PGM5: variants seen among roughly 807,000 people sequenced by gnomAD.
The protein encoded by PGM5 is phosphoglucomutase 5, also known as phosphoglucomutase-like protein 5.
A neutral mutation model predicts 59.2 loss-of-function variants in PGM5; 23 were observed. The observed-to-expected ratio is 0.39, with a 90% CI of 0.28 to 0.55. The LOEUF (loss-of-function observed/expected upper bound fraction) is 0.55. PGM5 is among the 20% of genes least tolerant of loss of function. PGM5 has a pLI of 0.66. For missense variants in PGM5, 574 were observed against 748.3 expected (o/e 0.77, Z 2.72); for synonymous variants, 214 against 286.0 (o/e 0.75, Z 2.54).
chr9:68,403,004 T>C (rs1554680797), intron 6 of PGM5, among the ~76,000 whole-genome samples: 2 of 152,190 alleles, frequency 1.3e-5, no homozygotes, highest in Non-Finnish European at 2.9e-5. Context: ...AAGATACATG[T>C]GCAGGGTGAA....
At chr9:68,408,181 A>G (rs1822856402) in intron 6 of PGM5, among the ~76,000 whole-genome samples, 1 of 152,188 alleles carries the variant, frequency 6.6e-6, no homozygotes, top group Non-Finnish European at 1.5e-5. Flanking sequence ...GAGCGTGAAG[A>G]AATGTGAAAT....
intron 10 of PGM5, among the ~76,000 whole-genome samples, chr9:68,523,720 C>T (rs1378656075): frequency 3.3e-5 from 5 of 152,122 alleles, no homozygotes; most frequent in Admixed American, 6.5e-5. Context: ...TGGTAATTAT[C>T]GTCATCCACA....
intron 6 of PGM5, among the ~76,000 whole-genome samples, chr9:68,424,441 G>A (rs1402546212): frequency 6.6e-6 from 1 of 152,114 alleles, no homozygotes; most frequent in Non-Finnish European, 1.5e-5. Flanking sequence ...GCTCTCAGGG[G>A]CTTCTTTTAT....
At chr9:68,403,887 A>T (rs1317311085) in intron 6 of PGM5, among the ~76,000 whole-genome samples, 1 of 152,212 alleles carries the variant, frequency 6.6e-6, no homozygotes, top group South Asian at 2.1e-4. Flanking sequence ...TTGACGTTGA[A>T]TATCACTACT....
At chr9:68,448,846 A>G (rs1554684169) in intron 6 of PGM5, among the ~76,000 whole-genome samples, 1 of 152,202 alleles carries the variant, frequency 6.6e-6, no homozygotes, top group Admixed American at 6.5e-5. Flanking sequence ...TCTAGGTGCT[A>G]TGGGACAGCA....
rs564696450 is a variant in PGM5 at position 68,526,392 on chromosome 9, C to T, written c.1615-3175C>T. Among the ~76,000 whole-genome samples, 9 of 152,338 alleles carry T rather than the reference C, an allele frequency of 5.9e-5. No individual in the cohort carries two copies. The South Asian group carries it at 1.7e-3, about 28-fold the overall frequency. On this transcript the variant is annotated intron_variant, in intron 10 of 10. Coordinates refer to ENST00000396396, the MANE Select transcript of PGM5 (RefSeq NM_021965.4). ...TTTTCTTCCCTTCAGCTTGCATAAGCACCACGGAAGCCCTCTTCTCTGACA... is the reference window on the plus strand; with the variant it reads ...TTTTCTTCCCTTCAGCTTGCATAAGTACCACGGAAGCCCTCTTCTCTGACA...
intron 7 of PGM5, among the ~76,000 whole-genome samples, chr9:68,476,421 C>A (rs1181251040): frequency 6.6e-6 from 1 of 152,156 alleles, no homozygotes; most frequent in Non-Finnish European, 1.5e-5. Flanking sequence ...GTGAACATTT[C>A]TACTCCCATT....
intron 6 of PGM5, among the ~76,000 whole-genome samples, chr9:68,439,718 T>C (rs7854624): frequency 0.024 from 3,560 of 148,170 alleles, 128 homozygotes; most frequent in African/African-American, 0.081. Flanking sequence ...CACACACACA[T>C]ATATATATAT....
At chr9:68,502,712 G>T (rs1198305856) in intron 10 of PGM5, among the ~76,000 whole-genome samples, 2 of 151,964 alleles carry the variant, frequency 1.3e-5, no homozygotes, top group Non-Finnish European at 2.9e-5. Context: ...TTTTTTGAGA[G>T]GAAGTCTCAC....
intron 6 of PGM5, among the ~76,000 whole-genome samples, chr9:68,408,880 A>T (rs1297235954): frequency 1.8e-4 from 27 of 152,206 alleles, no homozygotes; most frequent in Non-Finnish European, 3.4e-4. Context: ...AAGATCAGAT[A>T]GTTGTAGACA....
At chr9:68,452,364 A>G (rs1227083039) in intron 6 of PGM5, among the ~76,000 whole-genome samples, 1 of 152,180 alleles carries the variant, frequency 6.6e-6, no homozygotes, top group African/African-American at 2.4e-5. Context: ...AACCACGCAG[A>G]CCAACATGGC....
At chr9:68,383,694 CA>C (rs71353049) in intron 2 of PGM5, among the ~76,000 whole-genome samples, 3,548 of 99,084 alleles carry the variant, frequency 0.036, 114 homozygotes, top group African/African-American at 0.11. Flanking sequence ...AACCTTGTTG[CA>C]AAAAAAAAAA....
chr9:68,494,303 T>G (rs1824447456), intron 9 of PGM5, among the ~76,000 whole-genome samples: 1 of 152,122 alleles, frequency 6.6e-6, no homozygotes, highest in Admixed American at 6.5e-5. Context: ...CTTTCAGGAT[T>G]CAGTGGCATG....
At chr9:68,444,259 A>G (rs1389546431) in intron 6 of PGM5, among the ~76,000 whole-genome samples, 1 of 152,044 alleles carries the variant, frequency 6.6e-6, no homozygotes, top group Non-Finnish European at 1.5e-5. Context: ...CACCCATCCA[A>G]CTGCAAGTCT....
intron 6 of PGM5, among the ~76,000 whole-genome samples, chr9:68,438,013 C>T (rs1307563447): frequency 2.0e-5 from 3 of 152,098 alleles, no homozygotes; most frequent in East Asian, 1.9e-4. Context: ...CCTGGCCAGG[C>T]GAGGTGGCTC....
At chr9:68,504,519 C>G (rs1554688870) in intron 10 of PGM5, among the ~76,000 whole-genome samples, 1 of 152,156 alleles carries the variant, frequency 6.6e-6, no homozygotes, top group East Asian at 1.9e-4. Context: ...CGAGAATGCT[C>G]TGCCTCGTGT....
chr9:68,490,658 A>G (rs927888453), intron 9 of PGM5, among the ~76,000 whole-genome samples: 2 of 152,276 alleles, frequency 1.3e-5, no homozygotes, highest in African/African-American at 4.8e-5. Context: ...CCTGACCTCA[A>G]CTTCAACTTT....
intron 6 of PGM5, among the ~76,000 whole-genome samples, chr9:68,420,049 C>T (rs1554682244): frequency 6.6e-6 from 1 of 152,186 alleles, no homozygotes; most frequent in East Asian, 1.9e-4. Context: ...ACTGCTTGCA[C>T]ACCAAATCAA....
intron 10 of PGM5, among the ~76,000 whole-genome samples, chr9:68,523,614 T>A (rs1035156268): frequency 5.9e-5 from 9 of 152,204 alleles, no homozygotes; most frequent in African/African-American, 2.2e-4. Context: ...TTGTTATAAA[T>A]CTCTATTTTA....
Sources: gnomAD v4.1 joint callset for allele counts (sites outside exome capture counted in the v4.1 genomes callset) on GRCh38, gnomAD v4.1.1 for gene constraint, MANE v1.5 for transcripts, NCBI Gene and HGNC (gene_info 2026-07-23, HGNC 2026-07-21) for gene names.